The following FER1L6 variants were observed in gnomAD, a reference collection of about 807,000 sequenced individuals.
FER1L6 encodes the protein fer-1 like family member 6, also known as fer-1-like protein 6.
A neutral mutation model predicts 219.2 loss-of-function variants in FER1L6; 177 were observed. The observed-to-expected ratio is 0.81, with a 90% CI of 0.71 to 0.91. The LOEUF (loss-of-function observed/expected upper bound fraction) is 0.91. FER1L6 is among the 40% of genes least tolerant of loss of function. The pLI is 0.00. For synonymous variants in FER1L6, 768 were observed against 824.3 expected (o/e 0.93, Z 1.17); for missense variants, 2,153 against 2,259.9 (o/e 0.95, Z 0.96).
intron 6 of FER1L6, among the ~76,000 whole-genome samples, chr8:123,972,990 A>G (rs1586537700): frequency 1.3e-5 from 2 of 152,214 alleles, no homozygotes; most frequent in South Asian, 4.1e-4. Context: ...ACCGTTGTAC[A>G]TGCCTAAAAT....
At chr8:124,096,968 T>C (rs375376373) in intron 35 of FER1L6, among the ~76,000 whole-genome samples, 2 of 152,052 alleles carry the variant, frequency 1.3e-5, no homozygotes, top group Admixed American at 6.6e-5. Context: ...CATAAGATAA[T>C]GTGTGTCAAG....
At chr8:124,075,383 T>C (rs1234243642) in intron 31 of FER1L6, among the ~76,000 whole-genome samples, 2 of 152,300 alleles carry the variant, frequency 1.3e-5, no homozygotes, top group East Asian at 3.9e-4. Context: ...GGATCATCAA[T>C]ATCACTGTGT....
At chr8:123,897,417 A>G (rs948642083) in intron 1 of FER1L6, among the ~76,000 whole-genome samples, 1 of 152,206 alleles carries the variant, frequency 6.6e-6, no homozygotes, top group African/African-American at 2.4e-5. Context: ...TAGTCCTGCT[A>G]GTAACATATG....
intron 12 of FER1L6, among the ~76,000 whole-genome samples, chr8:124,000,396 G>T (rs1472916774): frequency 6.6e-6 from 1 of 152,188 alleles, no homozygotes; most frequent in Non-Finnish European, 1.5e-5. Flanking sequence ...TTTGTATGAA[G>T]AGTTGTTTAA....
At chr8:123,940,333 G>T (rs1272753905) in intron 1 of FER1L6, among the ~76,000 whole-genome samples, 1 of 152,120 alleles carries the variant, frequency 6.6e-6, no homozygotes, top group Admixed American at 6.6e-5. Flanking sequence ...GAGGGACGAG[G>T]GCTAGGGGAA....
rs539533099 is a variant in FER1L6 at position 123,885,446 on chromosome 8, G to T, written c.-8+33261G>T. 3.9e-5 allele frequency among the ~76,000 whole-genome samples: 6 copies of T among 152,270 alleles called. No homozygotes were observed. The East Asian group carries it at 1.2e-3, about 29-fold the overall frequency. On this transcript the variant is annotated intron_variant, in intron 1 of 40. Coordinates refer to ENST00000522917, the MANE Select transcript of FER1L6 (RefSeq NM_001039112.2). ...TTGACCACTGTGCACTGATAAAGGG[G>T]TTAATGATAGGTAATACTGCATCTG...
At chr8:124,090,650 A>G (rs1821990902) in intron 33 of FER1L6, among the ~76,000 whole-genome samples, 2 of 152,198 alleles carry the variant, frequency 1.3e-5, no homozygotes, top group African/African-American at 2.4e-5. Flanking sequence ...CAGTGTCCCA[A>G]TGAGCAGAGA....
intron 1 of FER1L6, among the ~76,000 whole-genome samples, chr8:123,932,570 T>A (rs1247506410): frequency 6.6e-6 from 1 of 152,194 alleles, no homozygotes; most frequent in Admixed American, 6.5e-5. Flanking sequence ...GATCTGGTAG[T>A]TTCCTGAAGG....
rs554840602 is a variant in FER1L6 at position 123,936,936 on chromosome 8, G to C, written c.-7-19056G>C. ...ATTTTTTTTTGTGATGTGGAGTGTC[G>C]CATTTGTTGCCCAGACTGGAGTGCA... On this transcript the variant is annotated intron_variant, in intron 1 of 40. Coordinates refer to ENST00000522917, the MANE Select transcript of FER1L6 (RefSeq NM_001039112.2). Among the ~76,000 whole-genome samples, 12 of 152,106 alleles carry C rather than the reference G, an allele frequency of 7.9e-5. No individual in the cohort carries two copies. The East Asian group carries it at 2.3e-3, about 29-fold the overall frequency.
chr8:124,002,678 T>G, intron 12 of FER1L6, among the ~76,000 whole-genome samples: 1 of 144,870 alleles, frequency 6.9e-6, no homozygotes, highest in Non-Finnish European at 1.5e-5. Flanking sequence ...CCCACTCTGC[T>G]TCTCTCTCTC....
chr8:123,863,073 G>A (rs1816772896), intron 1 of FER1L6, among the ~76,000 whole-genome samples: 1 of 134,920 alleles, frequency 7.4e-6, no homozygotes, highest in Non-Finnish European at 1.5e-5. Flanking sequence ...TGTGATGTCA[G>A]GGTGTCAATT....
intron 18 of FER1L6, among the ~76,000 whole-genome samples, chr8:124,033,975 T>G (rs1032001664): frequency 1.3e-5 from 2 of 152,076 alleles, no homozygotes; most frequent in Admixed American, 6.5e-5. Flanking sequence ...CAGTAGTTGC[T>G]AAGCTGAGTT....
intron 1 of FER1L6, among the ~76,000 whole-genome samples, chr8:123,937,853 A>G (rs1175653122): frequency 1.3e-5 from 2 of 152,330 alleles, no homozygotes; most frequent in Middle Eastern, 3.4e-3. Flanking sequence ...AGAGATATAT[A>G]GGAAAGAAAA....
At chr8:124,075,880 C>T (rs572779220) in intron 31 of FER1L6, among the ~76,000 whole-genome samples, 20 of 152,312 alleles carry the variant, frequency 1.3e-4, no homozygotes, top group African/African-American at 2.2e-4. Context: ...CCTCCTGGTC[C>T]GGCATTTTTC....
At chr8:123,895,448 C>A (rs1334781135) in intron 1 of FER1L6, among the ~76,000 whole-genome samples, 1 of 152,006 alleles carries the variant, frequency 6.6e-6, no homozygotes, top group African/African-American at 2.4e-5. Context: ...CATATTAATT[C>A]ATTTAATCTT....
intron 22 of FER1L6, among the ~76,000 whole-genome samples, chr8:124,057,136 C>CAG (rs1820335400): frequency 6.6e-6 from 1 of 152,220 alleles, no homozygotes; most frequent in Non-Finnish European, 1.5e-5. Context: ...AACTTTATCC[C>CAG]AGAGTTCACA....
At chr8:123,939,099 A>C in intron 1 of FER1L6, 2 of 880,050 alleles carry the variant, frequency 2.3e-6, no homozygotes, top group Non-Finnish European at 2.7e-6. Flanking sequence ...AGTAATGCCA[A>C]GAGAAGCATA....
intron 20 of FER1L6, 58 bp from the exon 21 acceptor site, chr8:124,045,709 T>C: frequency 6.3e-7 from 1 of 1,586,122 alleles, no homozygotes; most frequent in Non-Finnish European, 8.6e-7. Context: ...GAATGAACCT[T>C]AGAGCCCCTA....
intron 1 of FER1L6, among the ~76,000 whole-genome samples, chr8:123,893,867 C>T (rs955142254): frequency 2.0e-5 from 3 of 152,232 alleles, no homozygotes; most frequent in East Asian, 3.9e-4. Context: ...GGGGACTAGA[C>T]AGAGAAAGAT....
Sources: gnomAD v4.1 joint callset for allele counts (sites outside exome capture counted in the v4.1 genomes callset) on GRCh38, gnomAD v4.1.1 for gene constraint, MANE v1.5 for transcripts, NCBI Gene and HGNC (gene_info 2026-07-23, HGNC 2026-07-21) for gene names.